Variants in TMEM131 observed in about 807,000 individuals in gnomAD.
TMEM131 encodes the protein transmembrane protein 131, also known as 2610524E03Rik.
TMEM131 carries 66 observed loss-of-function variants against 211.6 expected under a neutral mutation model. That is an observed-to-expected ratio of 0.31 (90% CI 0.26 to 0.38). The LOEUF is 0.38. TMEM131 is among the 10% of genes least tolerant of loss of function. TMEM131 has a pLI of 1.00. For missense variants in TMEM131, 2,036 were observed against 2,299.3 expected, an observed-to-expected ratio of 0.89 and a Z score of 2.34; for synonymous variants, 844 against 841.3, an observed-to-expected ratio of 1.00 and a Z score of -0.06.
chr2:97,920,915 T>C (rs1024952731), intron 2 of TMEM131, among the ~76,000 whole-genome samples: 1 of 152,058 alleles, frequency 6.6e-6, no homozygotes, highest in African/African-American at 2.4e-5. Context: ...TGAAAGATTT[T>C]TAATTCTTGC....
At chr2:97,929,308 A>G (rs1319988410) in intron 1 of TMEM131, among the ~76,000 whole-genome samples, 3 of 151,906 alleles carry the variant, frequency 2.0e-5, no homozygotes, top group African/African-American at 7.3e-5. Flanking sequence ...GATGTAGCCC[A>G]AAGTATAAAA....
chr2:97,760,819 A>T lies in TMEM131; in HGVS notation c.4985T>A (p.Val1662Asp). 1 of 1,614,068 alleles carries T rather than the reference A, an allele frequency of 6.2e-7. No homozygotes were observed. The highest frequency in any genetic ancestry group is 8.5e-7 in the Non-Finnish European group (1 of 1,179,894). Reference protein sequence around the residue: ...GKNGNPTFAAVTAGYDKSPGG... With the variant: ...GKNGNPTFAADTAGYDKSPGG... ...TGGGCTCTTGTCGTAGCCAGCCGTGACTGCAGCAAAAGTGGGGTTGCCGTT... is the reference window on the plus strand; with the variant it reads ...TGGGCTCTTGTCGTAGCCAGCCGTGTCTGCAGCAAAAGTGGGGTTGCCGTT... Residue 1662 changes from valine (V) to aspartate (D), a missense_variant, in exon 37 of 41, where the codon GTC (valine) becomes GAC (aspartate). Coordinates refer to ENST00000186436, the MANE Select transcript of TMEM131 (RefSeq NM_015348.2).
chr2:97,817,546 T>A (rs1296133748), intron 12 of TMEM131, among the ~76,000 whole-genome samples: 2 of 152,250 alleles, frequency 1.3e-5, no homozygotes, highest in African/African-American at 2.4e-5. Flanking sequence ...ACCACAAATG[T>A]AGAAATTACT....
intron 7 of TMEM131, among the ~76,000 whole-genome samples, chr2:97,839,774 G>C (rs1464328412): frequency 6.6e-6 from 1 of 152,138 alleles, no homozygotes; most frequent in Admixed American, 6.5e-5. Context: ...ATAACATTTT[G>C]GCCACCCTAG....
chr2:97,888,125 A>G lies in TMEM131; in HGVS notation c.291-5T>C, dbSNP rs765275855. ...TTCCCCCGGTAGAGAGATATACTGTAAATAAAAAGAAAACAACATAAGAAG... is the reference window on the plus strand; with the variant it reads ...TTCCCCCGGTAGAGAGATATACTGTGAATAAAAAGAAAACAACATAAGAAG... On this transcript the variant is annotated splice_region_variant and splice_polypyrimidine_tract_variant and intron_variant, in intron 3 of 40. Coordinates refer to ENST00000186436, the MANE Select transcript of TMEM131 (RefSeq NM_015348.2). The G allele has an allele frequency of 6.2e-7, 1 of 1,608,452 alleles. No homozygotes were observed. The highest frequency in any genetic ancestry group is 2.2e-5 in the East Asian group (1 of 44,814).
At chr2:97,899,920 C>T (rs1036100497) in intron 3 of TMEM131, among the ~76,000 whole-genome samples, 2 of 152,106 alleles carry the variant, frequency 1.3e-5, no homozygotes, top group African/African-American at 4.8e-5. Context: ...CAGCAATTTT[C>T]AAGTACACAA....
chr2:97,935,728 GAACAAGA>G (rs1364436407), intron 1 of TMEM131, among the ~76,000 whole-genome samples: 1 of 152,078 alleles, frequency 6.6e-6, no homozygotes, highest in African/African-American at 2.4e-5. Context: ...ATTCTAACAA[GAACAAGA>G]AAATTGGCAG....
At chr2:97,761,525 C>T (rs1678850541) in intron 36 of TMEM131, 1 of 158,824 alleles carries the variant, frequency 6.3e-6, no homozygotes, top group Non-Finnish European at 1.4e-5. Flanking sequence ...CCTCGGAGAA[C>T]AGCATGCTTC....
At chr2:97,781,735 C>T (rs947334433) in intron 31 of TMEM131, among the ~76,000 whole-genome samples, 10 of 152,162 alleles carry the variant, frequency 6.6e-5, no homozygotes, top group African/African-American at 2.4e-4. Context: ...AGGTGACAGA[C>T]TGGAGGGAGA....
intron 5 of TMEM131, among the ~76,000 whole-genome samples, chr2:97,854,600 C>A (rs1174909523): frequency 6.6e-6 from 1 of 152,150 alleles, no homozygotes; most frequent in Non-Finnish European, 1.5e-5. Flanking sequence ...CAATTTCATT[C>A]CTCTGTTCAA....
chr2:97,970,965 T>TG (rs1442259373), intron 1 of TMEM131, among the ~76,000 whole-genome samples: 2 of 152,082 alleles, frequency 1.3e-5, no homozygotes, highest in African/African-American at 2.4e-5. Flanking sequence ...TAGCCTATGG[T>TG]GGGGGGAGTA....
intron 1 of TMEM131, among the ~76,000 whole-genome samples, chr2:97,992,413 A>C (rs1252281911): frequency 6.6e-6 from 1 of 152,242 alleles, no homozygotes; most frequent in Non-Finnish European, 1.5e-5. Flanking sequence ...ACTGGCAAAA[A>C]ATTTTTAAAG....
At chr2:97,929,457 T>C (rs2104450360) in intron 1 of TMEM131, among the ~76,000 whole-genome samples, 1 of 151,972 alleles carries the variant, frequency 6.6e-6, no homozygotes, top group South Asian at 2.1e-4. Flanking sequence ...TGTTGGTCTT[T>C]TGGAAATCAG....
chr2:97,951,273 C>A lies in TMEM131; in HGVS notation c.188-23786G>T, dbSNP rs529323338. On this transcript the variant is annotated intron_variant, in intron 1 of 40. Transcript: ENST00000186436. ...TCCAAAGACAATTGAGTTTTGTAAG[C>A]CCCTGTGATGGTAATATGTGTCTGC... Among the ~76,000 whole-genome samples the A allele has an allele frequency of 7.2e-5, 11 of 152,280 alleles. No homozygotes were observed. In the South Asian group the frequency reaches 2.3e-3, roughly 32 times the overall value.
chr2:97,850,545 T>C (rs1352425758), intron 5 of TMEM131, among the ~76,000 whole-genome samples: 8 of 152,112 alleles, frequency 5.3e-5, no homozygotes, highest in Non-Finnish European at 1.0e-4. Flanking sequence ...TAAGGTGCCC[T>C]TGACTGTAAC....
intron 29 of TMEM131, 73 bp downstream of exon 29, chr2:97,794,857 T>C: frequency 7.7e-7 from 1 of 1,290,348 alleles, no homozygotes; most frequent in Non-Finnish European, 1.1e-6. Context: ...GAACAGTGGC[T>C]GGCACACAGT....
intron 11 of TMEM131, among the ~76,000 whole-genome samples, chr2:97,818,994 T>C (rs1334165856): frequency 6.6e-6 from 1 of 152,198 alleles, no homozygotes; most frequent in Admixed American, 6.5e-5. Flanking sequence ...ACATAAAGCA[T>C]TTAAAAAAGG....
At chr2:97,845,106 A>G (rs1683362207) in intron 5 of TMEM131, among the ~76,000 whole-genome samples, 1 of 151,290 alleles carries the variant, frequency 6.6e-6, no homozygotes, top group Admixed American at 6.6e-5. Flanking sequence ...GTTGCATTAT[A>G]TTACGGTAAT....
chr2:97,946,889 G>A (rs1046864750), intron 1 of TMEM131, among the ~76,000 whole-genome samples: 1 of 151,484 alleles, frequency 6.6e-6, no homozygotes, highest in Non-Finnish European at 1.5e-5. Flanking sequence ...TGACCAAGTG[G>A]GATTTATCCC....
Sources: gnomAD v4.1 joint callset for allele counts (sites outside exome capture counted in the v4.1 genomes callset) on GRCh38, gnomAD v4.1.1 for gene constraint, MANE v1.5 for transcripts, NCBI Gene and HGNC (gene_info 2026-07-23, HGNC 2026-07-21) for gene names.